SDC2: variants seen among roughly 807,000 people sequenced by gnomAD.
SDC2 encodes the protein syndecan 2, also known as syndecan-2.
In SDC2, 13 loss-of-function variants were observed where a neutral mutation model predicts 22.2. The observed-to-expected ratio is 0.59, with a 90% CI of 0.38 to 0.93. SDC2 has a LOEUF of 0.93. Ranked by LOEUF, SDC2 falls within the 40% of genes least tolerant of loss-of-function variation. The pLI, the probability that SDC2 is intolerant of heterozygous loss-of-function variation, is 0.00. For missense variants in SDC2, 235 were observed against 246.8 expected, an observed-to-expected ratio of 0.95 and a Z score of 0.32; for synonymous variants, 94 against 92.8, an observed-to-expected ratio of 1.01 and a Z score of -0.07.
Position 96,581,415 on chromosome 8 carries a change from G to C in SDC2, c.61-12065G>C, listed in dbSNP as rs567942681. On this transcript the variant is annotated intron_variant, in intron 1 of 4. Coordinates refer to ENST00000302190, the MANE Select transcript of SDC2 (RefSeq NM_002998.4). ...AGGCTGAGGCGGGCAGATCACTTGA[G>C]GGTTAGGAGTTCGAGACCAACCTGG... Among the ~76,000 whole-genome samples the C allele has an allele frequency of 7.9e-5, 12 of 152,110 alleles. No individual in the cohort carries two copies. The East Asian group carries it at 2.3e-3, about 30-fold the overall frequency.
At chr8:96,542,985 G>A (rs1396863120) in intron 1 of SDC2, among the ~76,000 whole-genome samples, 2 of 152,174 alleles carry the variant, frequency 1.3e-5, no homozygotes, top group East Asian at 3.9e-4. Flanking sequence ...GGAGAAAGAG[G>A]GAGGGGAACT....
chr8:96,592,054 A>T (rs191394106), intron 1 of SDC2, among the ~76,000 whole-genome samples: 62 of 152,314 alleles, frequency 4.1e-4, no homozygotes, highest in African/African-American at 1.4e-3. Context: ...ATTCTACTAG[A>T]AAAGTTGCAG....
At chr8:96,554,878 G>A (rs1984456) in intron 1 of SDC2, among the ~76,000 whole-genome samples, 80,977 of 151,934 alleles carry the variant, frequency 0.53, 23,748 homozygotes, top group Non-Finnish European at 0.68. Flanking sequence ...ACAGGTTGCT[G>A]TACAGCTTTT....
At chr8:96,532,562 GA>G (rs1328788439) in intron 1 of SDC2, among the ~76,000 whole-genome samples, 2 of 151,964 alleles carry the variant, frequency 1.3e-5, no homozygotes, top group African/African-American at 4.8e-5. Flanking sequence ...GAACAGAAGG[GA>G]GGGGTAAAGA....
rs368692888 is a variant in SDC2 at position 96,518,958 on chromosome 8, T to TA, written c.60+24628dup. Among the ~76,000 whole-genome samples, 213 of 152,302 alleles carry TA rather than the reference T, an allele frequency of 1.4e-3. 1 individual carries two copies. The highest frequency in any genetic ancestry group is 4.5e-3 in the African/African-American group (187 of 41,562). On this transcript the variant is annotated intron_variant, in intron 1 of 4. Coordinates refer to ENST00000302190, the MANE Select transcript of SDC2 (RefSeq NM_002998.4). ...TGTCTGTCTTGTCCTGCTAATTTGT[T>TA]ACAGTGATTTCTATGGTTTGATTTT...
chr8:96,601,378 A>G (rs1267343363), intron 2 of SDC2, among the ~76,000 whole-genome samples: 1 of 152,138 alleles, frequency 6.6e-6, no homozygotes, highest in African/African-American at 2.4e-5. Context: ...ACGGTGGCTC[A>G]CGCCTGTAAT....
At chr8:96,509,616 C>A (rs1813299050) in intron 1 of SDC2, among the ~76,000 whole-genome samples, 1 of 97,792 alleles carries the variant, frequency 1.0e-5, no homozygotes. Context: ...TGGCCCCACT[C>A]CAGACAATTA....
intron 2 of SDC2, among the ~76,000 whole-genome samples, chr8:96,601,419 A>C (rs1814981297): frequency 6.6e-6 from 1 of 152,058 alleles, no homozygotes; most frequent in African/African-American, 2.4e-5. Context: ...AAGCAGGTGG[A>C]TCACAAGGTC....
intron 3 of SDC2, among the ~76,000 whole-genome samples, chr8:96,607,630 C>T (rs558317937): frequency 6.6e-6 from 1 of 152,062 alleles, no homozygotes; most frequent in African/African-American, 2.4e-5. Flanking sequence ...ACTAGAGATG[C>T]GGCTGTGAGA....
chr8:96,592,030 G>A (rs1382597875), intron 1 of SDC2, among the ~76,000 whole-genome samples: 1 of 152,194 alleles, frequency 6.6e-6, no homozygotes, highest in Non-Finnish European at 1.5e-5. Flanking sequence ...AGATTGCAGA[G>A]TTAAGCTCTG....
intron 1 of SDC2, among the ~76,000 whole-genome samples, chr8:96,501,397 C>G (rs1346261599): frequency 6.7e-6 from 1 of 150,312 alleles, no homozygotes; most frequent in East Asian, 2.0e-4. Context: ...ACCTCCTCCC[C>G]CCGTTCAAGT....
At chr8:96,579,255 A>G (rs368685630) in intron 1 of SDC2, among the ~76,000 whole-genome samples, 30 of 152,240 alleles carry the variant, frequency 2.0e-4, no homozygotes, top group African/African-American at 6.5e-4. Context: ...AGACTAGATT[A>G]TGTTGTGCTT....
At chr8:96,585,852 G>A (rs1814676427) in intron 1 of SDC2, among the ~76,000 whole-genome samples, 1 of 30,052 alleles carries the variant, frequency 3.3e-5, no homozygotes, top group African/African-American at 1.2e-4. Flanking sequence ...TCTGGCAAGA[G>A]GTTTTTTTTT....
At chr8:96,511,106 GC>G (rs529902734) in intron 1 of SDC2, among the ~76,000 whole-genome samples, 114 of 152,240 alleles carry the variant, frequency 7.5e-4, no homozygotes, top group Non-Finnish European at 1.1e-3. Flanking sequence ...TGCAGGTAGG[GC>G]CCAGCAGTCT....
intron 1 of SDC2, chr8:96,580,260 T>C (rs1814568642): frequency 2.8e-6 from 1 of 361,654 alleles, no homozygotes; most frequent in Non-Finnish European, 3.8e-6. Context: ...CCGCATTCTT[T>C]AGCCTCCAAA....
chr8:96,499,877 A>C (rs1377291695), intron 1 of SDC2, among the ~76,000 whole-genome samples: 1 of 152,140 alleles, frequency 6.6e-6, no homozygotes, highest in Admixed American at 6.5e-5. Flanking sequence ...TGCTATAGGA[A>C]GAAACCATGT....
chr8:96,499,473 C>T (rs1813126931), intron 1 of SDC2, among the ~76,000 whole-genome samples: 1 of 152,214 alleles, frequency 6.6e-6, no homozygotes, highest in South Asian at 2.1e-4. Context: ...ATGTGCTATT[C>T]TATGTTACTA....
intron 1 of SDC2, among the ~76,000 whole-genome samples, chr8:96,541,869 A>G (rs937033798): frequency 2.0e-5 from 3 of 152,210 alleles, no homozygotes; most frequent in African/African-American, 7.2e-5. Context: ...GTATTTTACC[A>G]CAGTTTTTAA....
intron 1 of SDC2, among the ~76,000 whole-genome samples, chr8:96,538,162 A>G (rs1054713224): frequency 2.0e-5 from 3 of 151,990 alleles, no homozygotes; most frequent in Admixed American, 6.6e-5. Context: ...GGGTTTCACC[A>G]TGTTGGTCAG....
Sources: gnomAD v4.1 joint callset for allele counts (sites outside exome capture counted in the v4.1 genomes callset) on GRCh38, gnomAD v4.1.1 for gene constraint, MANE v1.5 for transcripts, NCBI Gene and HGNC (gene_info 2026-07-23, HGNC 2026-07-21) for gene names.